SPMAP2L: variants seen among roughly 807,000 people sequenced by gnomAD.
SPMAP2L encodes the protein sperm microtubule associated protein 2 like, also known as sperm microtubule associated protein 2-like.
the SPMAP2L span, among the ~76,000 whole-genome samples, chr4:56,597,391 G>A: frequency 1.3e-5 from 2 of 152,084 alleles, no homozygotes. Flanking sequence ...CTTCATCCTT[G>A]ACATTCCCCA....
At chr4:56,575,440 A>G in the SPMAP2L span, 1 of 1,515,042 alleles carries the variant, frequency 6.6e-7, no homozygotes, top group South Asian at 1.2e-5. Flanking sequence ...CGATGTTGGA[A>G]AATACTATGA....
chr4:56,550,504 A>G, the SPMAP2L span, among the ~76,000 whole-genome samples: 11 of 152,292 alleles, frequency 7.2e-5, no homozygotes, highest in African/African-American at 2.6e-4. Context: ...GTGGCTGAGG[A>G]GTAGAGCGGG....
chr4:56,533,121 C>T, the SPMAP2L span, among the ~76,000 whole-genome samples: 2 of 152,134 alleles, frequency 1.3e-5, no homozygotes, highest in Non-Finnish European at 2.9e-5. Context: ...GTCATTCTTG[C>T]CTTGTTAAAT....
the SPMAP2L span, among the ~76,000 whole-genome samples, chr4:56,532,720 G>A: frequency 6.6e-6 from 1 of 152,050 alleles, no homozygotes; most frequent in Admixed American, 6.6e-5. Flanking sequence ...AACTGCTCTA[G>A]TTTACTGCTT....
At chr4:56,569,409 A>G in the SPMAP2L span, among the ~76,000 whole-genome samples, 7 of 152,198 alleles carry the variant, frequency 4.6e-5, no homozygotes, top group African/African-American at 1.7e-4. Flanking sequence ...TTGATGTTGA[A>G]CATTTTTTCA....
chr4:56,604,700 T>C, the SPMAP2L span, among the ~76,000 whole-genome samples: 2 of 151,890 alleles, frequency 1.3e-5, no homozygotes, highest in African/African-American at 4.8e-5. Flanking sequence ...TTAGCTGTGT[T>C]TCACATGTTT....
the SPMAP2L span, among the ~76,000 whole-genome samples, chr4:56,546,483 T>G: frequency 6.6e-6 from 1 of 152,206 alleles, no homozygotes. Context: ...ACTTGTAGTT[T>G]GTAAGAGATC....
chr4:56,562,427 ATCT>A, the SPMAP2L span, among the ~76,000 whole-genome samples: 1 of 150,506 alleles, frequency 6.6e-6, no homozygotes, highest in Non-Finnish European at 1.5e-5. Flanking sequence ...AAAATCCTTG[ATCT>A]TCTCTCCTTT....
At chr4:56,618,591 G>A in the SPMAP2L span, among the ~76,000 whole-genome samples, 4 of 152,074 alleles carry the variant, frequency 2.6e-5, no homozygotes, top group African/African-American at 7.2e-5. Context: ...ATCAGATCTC[G>A]TGAGAACTCA....
the SPMAP2L span, among the ~76,000 whole-genome samples, chr4:56,588,954 A>G: frequency 2.6e-5 from 4 of 151,622 alleles, no homozygotes; most frequent in African/African-American, 9.7e-5. Context: ...GCTTATTTCT[A>G]GGTTCTCTAT....
chr4:56,580,820 A>G, the SPMAP2L span, among the ~76,000 whole-genome samples: 1 of 152,174 alleles, frequency 6.6e-6, no homozygotes, highest in African/African-American at 2.4e-5. Flanking sequence ...AGAAAAATCA[A>G]TTGTATATCT....
chr4:56,600,097 C>CTTTCTTTTTTTTTTTTTTTTTTTTTTTT, the SPMAP2L span, among the ~76,000 whole-genome samples: 1 of 87,782 alleles, frequency 1.1e-5, no homozygotes, highest in African/African-American at 5.1e-5. Flanking sequence ...TCTTTGCTTT[C>CTTTCTTTTTTTTTTTTTTTTTTTTTTTT]TTTTTTTTTT....
the SPMAP2L span, chr4:56,596,627 G>A: frequency 1.8e-3 from 2,795 of 1,513,892 alleles, 42 homozygotes; most frequent in African/African-American, 0.034. Flanking sequence ...CTGCCCATCC[G>A]TCCTGTAAGC....
chr4:56,589,074 C>T, the SPMAP2L span, among the ~76,000 whole-genome samples: 55 of 152,072 alleles, frequency 3.6e-4, 1 homozygote, highest in African/African-American at 9.9e-4. Context: ...CTGCAATCTC[C>T]GCCTCCCAGG....
the SPMAP2L span, among the ~76,000 whole-genome samples, chr4:56,589,739 TG>T: frequency 2.1e-5 from 3 of 140,648 alleles, no homozygotes; most frequent in East Asian, 2.0e-4. Context: ...TTTTTGTGTG[TG>T]GGGGGGTTTT....
chr4:56,590,016 T>C, the SPMAP2L span, among the ~76,000 whole-genome samples: 106 of 152,304 alleles, frequency 7.0e-4, no homozygotes, highest in African/African-American at 2.5e-3. Flanking sequence ...TTTCTTTCTC[T>C]TGTCTGATTG....
the SPMAP2L span, among the ~76,000 whole-genome samples, chr4:56,617,650 G>T: frequency 2.0e-5 from 3 of 152,280 alleles, no homozygotes; most frequent in Admixed American, 1.3e-4. Context: ...TTTTTGTTTA[G>T]TTGTCCGGAC....
At chr4:56,557,077 C>T in the SPMAP2L span, among the ~76,000 whole-genome samples, 2 of 151,200 alleles carry the variant, frequency 1.3e-5, no homozygotes, top group East Asian at 3.9e-4. Context: ...AGTGAAACCC[C>T]GTCTCTAATA....
the SPMAP2L span, chr4:56,600,889 G>A: frequency 6.7e-7 from 1 of 1,502,478 alleles, no homozygotes; most frequent in Non-Finnish European, 8.9e-7. Flanking sequence ...ATAGAGAAAT[G>A]TAAAATTTGG....
Sources: allele counts gnomAD v4.1 joint callset (sites outside exome capture counted in the v4.1 genomes callset), GRCh38; gene constraint gnomAD v4.1.1; transcripts MANE v1.5; gene names NCBI Gene and HGNC (gene_info 2026-07-23, HGNC 2026-07-21).